The following MERTK variants were observed in gnomAD, a reference collection of about 807,000 sequenced individuals.
MERTK encodes the protein MER proto-oncogene, tyrosine kinase.
In MERTK, 69 loss-of-function variants were observed where a neutral mutation model predicts 99.3. The observed-to-expected ratio is 0.70, with a 90% confidence interval of 0.57 to 0.85. MERTK has a LOEUF of 0.85. Among genes scored for constraint, MERTK ranks in the 40% least tolerant of loss-of-function variants. The pLI, the probability that MERTK is intolerant of heterozygous loss-of-function variation, is 0.00. For synonymous variants in MERTK, 426 were observed against 467.6 expected (o/e 0.91, Z 1.15); for missense variants, 1,125 against 1,249.4 (o/e 0.90, Z 1.50).
chr2:111,906,970 A>G (rs546727386), intron 1 of MERTK, among the ~76,000 whole-genome samples: 1 of 152,132 alleles, frequency 6.6e-6, no homozygotes, highest in South Asian at 2.1e-4. Flanking sequence ...TAAAGGGGAG[A>G]GGTGGGAAGG....
Position 112,028,422 on chromosome 2 carries a change from A to G in MERTK, c.2558A>G (p.Gln853Arg). ...DRPTFSVLRL[Q>R]LEKLLESLPD... Reference sequence around the variant, plus strand: ...CCCACCTTTTCAGTATTGAGGCTGCAGCTAGAAAAACTCTTAGAAAGTTTG... The same window carrying G: ...CCCACCTTTTCAGTATTGAGGCTGCGGCTAGAAAAACTCTTAGAAAGTTTG... Residue 853 changes from glutamine (Q) to arginine (R), a missense_variant, in exon 19 of 19, where the codon CAG (glutamine) becomes CGG (arginine). Transcript: ENST00000295408. The G allele has an allele frequency of 6.2e-7, 1 of 1,614,180 alleles. No individual in the cohort carries two copies. The highest frequency in any genetic ancestry group is 8.5e-7 in the Non-Finnish European group (1 of 1,180,036).
intron 15 of MERTK, among the ~76,000 whole-genome samples, chr2:112,016,639 A>G (rs1051791692): frequency 1.3e-5 from 2 of 152,206 alleles, no homozygotes; most frequent in Admixed American, 1.3e-4. Flanking sequence ...TGTGCAGGGC[A>G]GACAGGTAGA....
chr2:111,940,416 C>T (rs893954597), intron 2 of MERTK: 5 of 539,082 alleles, frequency 9.3e-6, no homozygotes, highest in African/African-American at 3.9e-5. Flanking sequence ...CTTCTGTATA[C>T]AGCAGTCACA....
intron 1 of MERTK, among the ~76,000 whole-genome samples, chr2:111,915,000 A>G (rs1275656595): frequency 6.6e-6 from 1 of 152,348 alleles, no homozygotes; most frequent in Middle Eastern, 3.4e-3. Context: ...ATAATTCTCC[A>G]ATGAAACCAT....
chr2:111,907,564 G>T (rs1004314525), intron 1 of MERTK, among the ~76,000 whole-genome samples: 1 of 152,214 alleles, frequency 6.6e-6, no homozygotes, highest in Non-Finnish European at 1.5e-5. Context: ...GAGAATATTG[G>T]ATCTCCCCAA....
intron 7 of MERTK, among the ~76,000 whole-genome samples, chr2:111,980,754 T>A (rs1676354835): frequency 1.3e-5 from 2 of 152,144 alleles, no homozygotes; most frequent in Non-Finnish European, 2.9e-5. Flanking sequence ...TTCCAATCAT[T>A]CTTTCCAGTT....
chr2:111,950,874 A>C (rs1685042254), intron 4 of MERTK, among the ~76,000 whole-genome samples: 1 of 152,206 alleles, frequency 6.6e-6, no homozygotes, highest in South Asian at 2.1e-4. Context: ...ACATCTTGAC[A>C]ATATTGAGCC....
chr2:111,994,620 A>G, intron 9 of MERTK: 1 of 601,130 alleles, frequency 1.7e-6, no homozygotes, highest in Non-Finnish European at 3.0e-6. Context: ...AAATATATGT[A>G]TTTTTAAAAT....
At chr2:111,928,677 G>A (rs1558774919) in intron 1 of MERTK, among the ~76,000 whole-genome samples, 1 of 152,052 alleles carries the variant, frequency 6.6e-6, no homozygotes, top group Non-Finnish European at 1.5e-5. Context: ...GTAGAGACAG[G>A]TTTTTGCCAT....
intron 4 of MERTK, among the ~76,000 whole-genome samples, chr2:111,951,544 T>TATATATATATATATATATATATATAA (rs1685056721): frequency 8.0e-6 from 1 of 124,226 alleles, no homozygotes; most frequent in Non-Finnish European, 1.8e-5. Context: ...TATATATATA[T>TATATATATATATATATATATATATAA]ATATACCATA....
chr2:111,983,016 CACG>C (rs1190871252), intron 8 of MERTK, 23 bp downstream of exon 8: 14 of 1,601,526 alleles, frequency 8.7e-6, no homozygotes, highest in African/African-American at 1.4e-5. Context: ...CCTAGAAGAG[CACG>C]ATTAGTCATC....
At chr2:111,907,035 C>T (rs1374220137) in intron 1 of MERTK, among the ~76,000 whole-genome samples, 1 of 152,082 alleles carries the variant, frequency 6.6e-6, no homozygotes, top group Non-Finnish European at 1.5e-5. Context: ...GTTTGACCCT[C>T]AGCCCTGTGC....
At chr2:111,991,259 A>G (rs1676609541) in intron 8 of MERTK, among the ~76,000 whole-genome samples, 1 of 152,180 alleles carries the variant, frequency 6.6e-6, no homozygotes, top group African/African-American at 2.4e-5. Context: ...TTGTTTTGAA[A>G]CGGAGTCTCA....
intron 1 of MERTK, among the ~76,000 whole-genome samples, chr2:111,904,427 G>C (rs1684100503): frequency 6.6e-6 from 1 of 150,812 alleles, no homozygotes; most frequent in Non-Finnish European, 1.5e-5. Flanking sequence ...CCAGGCTGGA[G>C]TGCATGTGGC....
intron 1 of MERTK, among the ~76,000 whole-genome samples, chr2:111,905,433 C>CTT (rs61232340): frequency 0.26 from 22,077 of 85,254 alleles, 5,499 homozygotes; most frequent in Middle Eastern, 0.31. Flanking sequence ...CTACACTGTT[C>CTT]TTTTTTTTTT....
intron 1 of MERTK, among the ~76,000 whole-genome samples, chr2:111,903,651 G>A (rs1684085425): frequency 6.6e-6 from 1 of 152,136 alleles, no homozygotes; most frequent in South Asian, 2.1e-4. Flanking sequence ...TATAAAAACT[G>A]AAAGGGGTCT....
At chr2:111,945,113 T>C (rs1684941700) in intron 3 of MERTK, 53 bp downstream of exon 3, 3 of 1,366,360 alleles carry the variant, frequency 2.2e-6, no homozygotes, top group Non-Finnish European at 3.1e-6. Flanking sequence ...TTTTAGGGCC[T>C]GTGTTAAATG....
chr2:111,978,136 TGTTTTTTGGTTGTTTTTTG>T (rs1676292276), intron 7 of MERTK, among the ~76,000 whole-genome samples: 1 of 149,308 alleles, frequency 6.7e-6, no homozygotes, highest in African/African-American at 2.5e-5. Flanking sequence ...TTTTATGTTT[TGTTTTTTGGTTGTTTTTTG>T]TTTTTTTTTT....
At chr2:112,020,500 T>G in intron 16 of MERTK, 1 of 450,916 alleles carries the variant, frequency 2.2e-6, no homozygotes, top group South Asian at 1.6e-5. Flanking sequence ...TCTCTTCCTT[T>G]TATTCTTTCT....
Sources: gnomAD v4.1 joint callset for allele counts (sites outside exome capture counted in the v4.1 genomes callset) on GRCh38, gnomAD v4.1.1 for gene constraint, MANE v1.5 for transcripts, NCBI Gene and HGNC (gene_info 2026-07-23, HGNC 2026-07-21) for gene names.